Variants in TP53I11 observed in about 807,000 individuals in gnomAD.
TP53I11 encodes the protein tumor protein p53 inducible protein 11.
Under a neutral mutation model 23.3 loss-of-function variants are expected in TP53I11, and 9 were observed. That is an observed-to-expected ratio of 0.39 (90% confidence interval 0.23 to 0.67). TP53I11 has a LOEUF of 0.67. Ranked by LOEUF, TP53I11 falls within the 30% of genes least tolerant of loss-of-function variation. TP53I11 has a pLI of 0.48. For synonymous variants in TP53I11, 100 were observed against 106.1 expected (o/e 0.94, Z 0.35); for missense variants, 170 against 255.2 (o/e 0.67, Z 2.27).
intron 1 of TP53I11, among the ~76,000 whole-genome samples, chr11:44,943,460 A>T (rs1862094050): frequency 6.6e-6 from 1 of 152,310 alleles, no homozygotes; most frequent in Non-Finnish European, 1.5e-5. Context: ...CCTAGGGCCC[A>T]GGCCTGGGAT....
At chr11:44,937,211 G>A (rs1367459027) in intron 4 of TP53I11, 93 bp downstream of exon 4, 2 of 1,484,138 alleles carry the variant, frequency 1.3e-6, no homozygotes, top group Admixed American at 2.0e-5. Flanking sequence ...CCTGCACGAG[G>A]GGCCAGGATG....
chr11:44,936,019 G>T lies in TP53I11; in HGVS notation c.335-357C>A. Reference sequence around the variant, plus strand: ...AGGATGCTGTGTTCATGGAGTTCATGAGTTAATGGGTTACCTGGTCCTATG... The same window carrying T: ...AGGATGCTGTGTTCATGGAGTTCATTAGTTAATGGGTTACCTGGTCCTATG... On this transcript the variant is annotated intron_variant, in intron 5 of 6. Coordinates refer to ENST00000525680, the MANE Select transcript of TP53I11 (RefSeq NM_006034.5). This position sits in a 1 kb window ranked among gnomAD's most constrained non-coding sequence, Gnocchi z 4.4. 1 of 316,994 alleles carries T rather than the reference G, an allele frequency of 3.2e-6. No individual in the cohort carries two copies. Among genetic ancestry groups the T allele is most frequent in the Non-Finnish European group, 5.7e-6 (1 of 174,176 alleles). The allele number at this position is 316,994 out of a possible 1,614,324, so 19.6% of individuals were successfully genotyped here. A position where few individuals can be genotyped will look rare whatever the true frequency, so the allele number is the denominator to read the frequency against.
Position 44,935,028 on chromosome 11 carries a change from G to A in TP53I11, c.437-11C>T. ...GCGTGGCAGTGACCACTGTGGGAGAGAGTCCAGCAAGGCCACAGGGTCAGA... is the reference window on the plus strand; with the variant it reads ...GCGTGGCAGTGACCACTGTGGGAGAAAGTCCAGCAAGGCCACAGGGTCAGA... On this transcript the variant is annotated splice_polypyrimidine_tract_variant and intron_variant, in intron 6 of 6. Transcript: ENST00000525680. 3.1e-6 allele frequency: 5 copies of A among 1,613,216 alleles called. No individual in the cohort carries two copies. The highest frequency in any genetic ancestry group is 4.2e-6 in the Non-Finnish European group (5 of 1,179,950).
At chr11:44,937,924 CT>C (rs1252609341) in intron 2 of TP53I11, among the ~76,000 whole-genome samples, 3 of 152,194 alleles carry the variant, frequency 2.0e-5, no homozygotes, top group Non-Finnish European at 4.4e-5. Context: ...CTCTCTGAGC[CT>C]TTGTTTCCTC....
At chr11:44,943,347 G>C (rs980156913) in intron 1 of TP53I11, among the ~76,000 whole-genome samples, 1 of 152,102 alleles carries the variant, frequency 6.6e-6, no homozygotes, top group East Asian at 1.9e-4. Flanking sequence ...GCCCCCGGGG[G>C]TTTCCCCCAG....
intron 1 of TP53I11, chr11:44,941,179 T>C (rs1007244022): frequency 6.6e-6 from 1 of 152,198 alleles, no homozygotes; most frequent in Non-Finnish European, 1.5e-5. Context: ...GTGAGCAAGG[T>C]ACATGGGTGG....
At position 44,934,747 on chromosome 11, in the gene TP53I11, C is replaced by G; in HGVS notation, c.*137G>C. ...CGGGGTGCCCAGGAGGAAAGGAAGG[C>G]CCCCCACCCCCTGCCTCCCTGGGGC... On this transcript the variant is annotated 3_prime_UTR_variant, in exon 7 of 7. Coordinates refer to ENST00000525680, the MANE Select transcript of TP53I11 (RefSeq NM_006034.5). The G allele has an allele frequency of 8.0e-7, 1 of 1,245,528 alleles. No individual in the cohort carries two copies. Among genetic ancestry groups the G allele is most frequent in the East Asian group, 2.5e-5 (1 of 39,572 alleles). 77.2% of individuals were successfully genotyped at this position (1,245,528 alleles called of 1,614,324 possible). A position where few individuals can be genotyped will look rare whatever the true frequency, so the allele number is the denominator to read the frequency against.
At chr11:44,940,917 T>C (rs1459511661) in intron 1 of TP53I11, 2 of 152,280 alleles carry the variant, frequency 1.3e-5, no homozygotes, top group Non-Finnish European at 2.9e-5. Flanking sequence ...AAGGTCGGTC[T>C]TTATTTCAGC....
At chr11:44,937,673 G>A (rs755112788) in intron 2 of TP53I11, 60 bp from the exon 3 acceptor site, 30 of 1,553,214 alleles carry the variant, frequency 1.9e-5, no homozygotes, top group African/African-American at 2.7e-5. Context: ...GCCCCCACTC[G>A]CTCATCCTCC....
intron 1 of TP53I11, among the ~76,000 whole-genome samples, chr11:44,947,846 C>T (rs965250047): frequency 1.3e-5 from 2 of 151,784 alleles, no homozygotes; most frequent in Non-Finnish European, 2.9e-5. Context: ...AGAAGATGCA[C>T]CAAAAAAATC....
chr11:44,950,823 GGC>G lies in TP53I11; in HGVS notation c.-180_-179del, dbSNP rs1244874355. The G allele has an allele frequency of 2.6e-5, 4 of 152,446 alleles. No homozygotes were observed. In the South Asian group the frequency reaches 7.9e-4, roughly 30 times the overall value. The allele number at this position is 152,446 out of a possible 1,614,324, so 9.4% of individuals were successfully genotyped here. On this transcript the variant is annotated 5_prime_UTR_variant, in exon 1 of 7. Transcript: ENST00000525680. ...GGCAGGGCAGGACAGGGCAGGGCAG[GGC>G]AGGGCCGGGCCGGCTGGACTGCGCG...
intron 1 of TP53I11, among the ~76,000 whole-genome samples, chr11:44,945,475 A>C (rs2135500036): frequency 6.6e-6 from 1 of 151,938 alleles, no homozygotes; most frequent in East Asian, 1.9e-4. Context: ...GTGTGTGTGC[A>C]ATGTGTGCGG....
chr11:44,942,200 C>T (rs1183559482), intron 1 of TP53I11, among the ~76,000 whole-genome samples: 1 of 146,414 alleles, frequency 6.8e-6, no homozygotes, highest in Non-Finnish European at 1.5e-5. Context: ...ACCACACATA[C>T]CCACCACGCA....
chr11:44,947,948 C>T (rs1026553517), intron 1 of TP53I11, among the ~76,000 whole-genome samples: 9 of 152,142 alleles, frequency 5.9e-5, no homozygotes, highest in African/African-American at 2.2e-4. Flanking sequence ...CTCAGTTGCC[C>T]CCTTGACCAA....
intron 1 of TP53I11, among the ~76,000 whole-genome samples, chr11:44,944,100 G>A (rs1015127258): frequency 1.3e-5 from 2 of 152,196 alleles, no homozygotes; most frequent in Admixed American, 6.5e-5. Context: ...ACACCACAGC[G>A]CCTTACTTGC....
At chr11:44,940,242 C>T (rs561058877) in intron 1 of TP53I11, among the ~76,000 whole-genome samples, 1 of 152,370 alleles carries the variant, frequency 6.6e-6, no homozygotes, top group East Asian at 1.9e-4. Context: ...CTTCCTCTTC[C>T]AGCCTCCCCA....
Position 44,936,540 on chromosome 11 carries a change from C to A in TP53I11, c.334+263G>T. The A allele has an allele frequency of 7.9e-7, 1 of 1,261,364 alleles. No homozygotes were observed. The allele number at this position is 1,261,364 out of a possible 1,614,324, so 78.1% of individuals were successfully genotyped here. ...TTCCTCCATCTCTGTACCACAACGC[C>A]CAGAGGCAGTGCACACACTTATGAG... On this transcript the variant is annotated intron_variant, in intron 5 of 6. Transcript: ENST00000525680. This position sits in a 1 kb window ranked among gnomAD's most constrained non-coding sequence, Gnocchi z 4.4.
At chr11:44,937,423 G>A (rs1008117369) in intron 3 of TP53I11, 71 bp from the exon 4 acceptor site, 1 of 1,491,406 alleles carries the variant, frequency 6.7e-7, no homozygotes, top group South Asian at 1.4e-5. Flanking sequence ...AGATCCCCAG[G>A]GATGGCAGCT....
At position 44,936,925 on chromosome 11, in the gene TP53I11, G is replaced by C; in HGVS notation, c.238-26C>G. The C allele has an allele frequency of 6.5e-7, 1 of 1,542,834 alleles. No homozygotes were observed. On this transcript the variant is annotated intron_variant, in intron 4 of 6. Coordinates refer to ENST00000525680, the MANE Select transcript of TP53I11 (RefSeq NM_006034.5). The surrounding 1 kb of genome is among the most constrained non-coding windows in gnomAD (Gnocchi z 4.4). ...CTGCGGGCAGCGAGAGGGGCTCAGA[G>C]GTCCCGCTTGGGAGAGGGTGGGGGG...
Sources: gnomAD v4.1 joint callset for allele counts (sites outside exome capture counted in the v4.1 genomes callset) on GRCh38, gnomAD v4.1.1 for gene constraint, Gnocchi (gnomAD v3.1) non-coding constraint, MANE v1.5 for transcripts, NCBI Gene and HGNC (gene_info 2026-07-23, HGNC 2026-07-21) for gene names.